ARHGAP32: variants seen among roughly 807,000 people sequenced by gnomAD.
ARHGAP32 encodes Rho GTPase activating protein 32.
In ARHGAP32, 51 loss-of-function variants were observed where a neutral mutation model predicts 186.5. The ratio of observed to expected loss-of-function variants is 0.27; its 90% CI spans 0.22 to 0.35. The LOEUF (loss-of-function observed/expected upper bound fraction) is 0.35. ARHGAP32 is among the 10% of genes least tolerant of loss of function. The pLI is 1.00. For missense variants in ARHGAP32, 2,186 were observed against 2,623.5 expected (o/e 0.83, Z 3.64); for synonymous variants, 950 against 964.3 (o/e 0.99, Z 0.27).
chr11:128,985,061 T>A (rs940899305), intron 15 of ARHGAP32, among the ~76,000 whole-genome samples: 5 of 152,150 alleles, frequency 3.3e-5, no homozygotes, highest in African/African-American at 1.2e-4. Flanking sequence ...CGCTTTGTTG[T>A]CCAGCTGGGG....
chr11:129,147,302 T>G (rs1328139272), intron 2 of ARHGAP32, among the ~76,000 whole-genome samples: 1 of 152,156 alleles, frequency 6.6e-6, no homozygotes, highest in Non-Finnish European at 1.5e-5. Context: ...AAATCAGTAA[T>G]TTCATATGTA....
At chr11:129,102,273 C>A (rs141996984) in intron 5 of ARHGAP32, among the ~76,000 whole-genome samples, 1 of 152,166 alleles carries the variant, frequency 6.6e-6, no homozygotes, top group Admixed American at 6.5e-5. Context: ...ACCAATGATA[C>A]TATAAAGCAA....
At position 128,976,619 on chromosome 11, in the gene ARHGAP32, C is replaced by T. The variant is rs1945548980; in HGVS notation, c.2138G>A (p.Gly713Glu). The stretch of plus-strand genomic sequence containing the variant: ...CTCACTTTTAGCTGAACGGAGGGTT[C>T]CTTCTGCCCTGCCACCTGAAGAATA... ...AMALKGGRAE[G>E]TLRSAKSEES... Residue 713 changes from glycine (G) to glutamate (E), a missense_variant, in exon 20 of 23, where the codon GGA (glycine) becomes GAA (glutamate). Physicochemically the swap from Gly to Glu is moderately conservative, Grantham distance 98. This residue lies in a region of ARHGAP32 where 263 missense variants were observed against 323.5 expected (regional missense o/e 0.81). Transcript: ENST00000682385. The T allele has an allele frequency of 2.5e-6, 4 of 1,613,898 alleles. No individual in the cohort carries two copies. Among genetic ancestry groups the T allele is most frequent in the Non-Finnish European group, 2.5e-6 (3 of 1,179,856 alleles).
intron 1 of ARHGAP32, among the ~76,000 whole-genome samples, chr11:129,255,313 C>T (rs762974904): frequency 2.0e-5 from 3 of 152,080 alleles, no homozygotes; most frequent in Non-Finnish European, 4.4e-5. Flanking sequence ...ATAAATGGTG[C>T]TGACTCTACT....
rs142618283 is a variant in ARHGAP32 at position 129,221,807 on chromosome 11, G to T, written c.-5+57339C>A. On this transcript the variant is annotated intron_variant, in intron 1 of 6. Coordinates refer to the ARHGAP32 transcript ENST00000525234. ...AGTCTGGATGACAGAAGAAGATCTT[G>T]CCTCTAAAAAAAATTTTTTTAAATA... Among the ~76,000 whole-genome samples the T allele has an allele frequency of 2.8e-3, 419 of 152,014 alleles. 2 individuals carry two copies. The highest frequency in any genetic ancestry group is 9.5e-3 in the African/African-American group (394 of 41,466).
At chr11:129,267,795 T>C (rs1299279070) in intron 1 of ARHGAP32, among the ~76,000 whole-genome samples, 1 of 152,194 alleles carries the variant, frequency 6.6e-6, no homozygotes, top group Non-Finnish European at 1.5e-5. Context: ...AGGCATCTGG[T>C]GAAAGCTTCA....
At chr11:129,139,126 A>G (rs1311220137) in intron 2 of ARHGAP32, among the ~76,000 whole-genome samples, 1 of 152,230 alleles carries the variant, frequency 6.6e-6, no homozygotes, top group East Asian at 1.9e-4. Context: ...ATTACTTATT[A>G]GAATATGAAT....
At chr11:129,003,480 T>G (rs1435507937) in intron 11 of ARHGAP32, among the ~76,000 whole-genome samples, 2 of 152,238 alleles carry the variant, frequency 1.3e-5, no homozygotes, top group Non-Finnish European at 2.9e-5. Context: ...ATTAAATGTT[T>G]GGTAAAATTC....
chr11:129,278,712 T>C (rs1945567126), intron 1 of ARHGAP32, among the ~76,000 whole-genome samples: 1 of 151,078 alleles, frequency 6.6e-6, no homozygotes, highest in South Asian at 2.1e-4. Flanking sequence ...CACGCACACC[T>C]GGGGGCGGGA....
chr11:129,165,868 A>C (rs1463810911), intron 1 of ARHGAP32, among the ~76,000 whole-genome samples: 1 of 152,140 alleles, frequency 6.6e-6, no homozygotes, highest in Non-Finnish European at 1.5e-5. Context: ...AGCCTCTCTG[A>C]GATTAGATGG....
chr11:129,237,967 G>A (rs1198914684), intron 1 of ARHGAP32, among the ~76,000 whole-genome samples: 1 of 152,124 alleles, frequency 6.6e-6, no homozygotes, highest in Non-Finnish European at 1.5e-5. Flanking sequence ...GAAGTAGTGA[G>A]AAGTGGCCCA....
intron 6 of ARHGAP32, among the ~76,000 whole-genome samples, chr11:129,093,176 T>C (rs191534271): frequency 6.6e-6 from 1 of 152,240 alleles, no homozygotes; most frequent in Admixed American, 6.5e-5. Context: ...ATCTACTCTT[T>C]TGCCATAATA....
At chr11:129,189,777 T>C (rs1010744823) in intron 1 of ARHGAP32, among the ~76,000 whole-genome samples, 2 of 152,066 alleles carry the variant, frequency 1.3e-5, no homozygotes, top group African/African-American at 4.8e-5. Context: ...CAAAAATAAA[T>C]GCTATTTCAA....
intron 1 of ARHGAP32, among the ~76,000 whole-genome samples, chr11:129,234,230 A>T (rs1944896438): frequency 6.6e-6 from 1 of 152,124 alleles, no homozygotes; most frequent in Non-Finnish European, 1.5e-5. Flanking sequence ...GCTATTTCAG[A>T]ACTGTAAACT....
chr11:129,062,029 A>T lies in ARHGAP32; in HGVS notation c.963+251T>A, dbSNP rs1292859840. ...CAGGCCTTGTAACCTAAAAGTGGCCATGAGGTCTGAGATGCTATTCACATT... is the reference window on the plus strand; with the variant it reads ...CAGGCCTTGTAACCTAAAAGTGGCCTTGAGGTCTGAGATGCTATTCACATT... On this transcript the variant is annotated intron_variant, in intron 10 of 22. Coordinates refer to ENST00000682385, the MANE Select transcript of ARHGAP32 (RefSeq NM_001378024.1). Among the ~76,000 whole-genome samples the T allele has an allele frequency of 1.4e-4, 21 of 152,208 alleles. 1 individual carries two copies. Among genetic ancestry groups the T allele is most frequent in the Admixed American group, 1.4e-3 (21 of 15,282 alleles).
intron 10 of ARHGAP32, among the ~76,000 whole-genome samples, chr11:129,052,692 A>G (rs1263571966): frequency 2.0e-5 from 3 of 152,074 alleles, no homozygotes; most frequent in African/African-American, 7.2e-5. Flanking sequence ...ACTGAAGTGA[A>G]TGCTGCAAGT....
chr11:129,149,608 C>T (rs546526060), intron 2 of ARHGAP32, among the ~76,000 whole-genome samples: 1 of 152,318 alleles, frequency 6.6e-6, no homozygotes, highest in East Asian at 1.9e-4. Context: ...ATCAAGGGAT[C>T]ACCCCATGGG....
chr11:129,018,025 T>C (rs1591536223), intron 11 of ARHGAP32, among the ~76,000 whole-genome samples: 2 of 152,178 alleles, frequency 1.3e-5, no homozygotes, highest in African/African-American at 4.8e-5. Context: ...ACTTTGTTTT[T>C]TATTATTATT....
At chr11:129,088,408 C>T (rs964208806) in intron 6 of ARHGAP32, among the ~76,000 whole-genome samples, 11 of 151,982 alleles carry the variant, frequency 7.2e-5, no homozygotes, top group African/African-American at 2.4e-4. Flanking sequence ...GGTGAAACCC[C>T]GTCTCTACTA....
Sources: allele counts gnomAD v4.1 joint callset (sites outside exome capture counted in the v4.1 genomes callset), GRCh38; gene constraint gnomAD v4.1.1; regional missense constraint gnomAD v4.1.1; transcripts MANE v1.5; gene names NCBI Gene and HGNC (gene_info 2026-07-23, HGNC 2026-07-21).